Variants in UBR4 observed in about 807,000 individuals in gnomAD.
UBR4 encodes E3 ubiquitin-protein ligase UBR4.
Under a neutral mutation model 575.6 loss-of-function variants are expected in UBR4, and 124 were observed. That is an observed-to-expected ratio of 0.22 (90% CI 0.19 to 0.25). The LOEUF (loss-of-function observed/expected upper bound fraction) is 0.25. UBR4 is among the 10% of genes least tolerant of loss of function. The pLI is 1.00. For missense variants in UBR4, 4,818 were observed against 6,478.8 expected (o/e 0.74, Z 8.80); for synonymous variants, 2,455 against 2,473.7 (o/e 0.99, Z 0.22).
chr1:19,152,192 C>T lies in UBR4; in HGVS notation c.6996+121G>A. 1 of 1,375,086 alleles carries T rather than the reference C, an allele frequency of 7.3e-7. No homozygotes were observed. The highest frequency in any genetic ancestry group is 1.4e-5 in the South Asian group (1 of 72,682). The allele number at this position is 1,375,086 out of a possible 1,614,324, so 85.2% of individuals were successfully genotyped here. A position where few individuals can be genotyped will look rare whatever the true frequency, so the allele number is the denominator to read the frequency against. ...TTTCTAAGGAACCATTTAACTAGAA[C>T]CGAGGGTTGTGACTGTGAGTATATA... On this transcript the variant is annotated intron_variant, in intron 47 of 105. Coordinates refer to ENST00000375254, the MANE Select transcript of UBR4 (RefSeq NM_020765.3). The surrounding 1 kb of genome is among the most constrained non-coding windows in gnomAD (Gnocchi z 4.4).
chr1:19,173,340 T>C (rs1335069901), intron 23 of UBR4, 34 bp from the exon 24 acceptor site: 1 of 1,613,082 alleles, frequency 6.2e-7, no homozygotes, highest in Non-Finnish European at 8.5e-7. Flanking sequence ...GTTTAGGAGA[T>C]GACTATAGGC....
chr1:19,172,747 C>T (rs534233423), intron 25 of UBR4, 117 bp downstream of exon 25: 34 of 986,700 alleles, frequency 3.4e-5, no homozygotes, highest in African/African-American at 2.6e-4. Flanking sequence ...AAGCATTATA[C>T]GTGGGGAAAA....
At chr1:19,147,141 C>T (rs2084983650) in intron 51 of UBR4, 141 bp from the exon 52 acceptor site, 1 of 806,674 alleles carries the variant, frequency 1.2e-6, no homozygotes, top group Admixed American at 3.3e-5. Flanking sequence ...TCACCTACAA[C>T]AGATCTTCAA....
rs111572921 is a variant in UBR4 at position 19,186,407 on chromosome 1, C to T, written c.1750+133G>A. On this transcript the variant is annotated intron_variant, in intron 14 of 105. Coordinates refer to ENST00000375254, the MANE Select transcript of UBR4 (RefSeq NM_020765.3). ...ATGTCATCTTTGAATGCACATAAAA[C>T]CAAGGTCCAGGCTAAGCAGGTGAAA... is the stretch of plus-strand genomic sequence containing the variant. The T allele has an allele frequency of 2.9e-3, 1,793 of 613,954 alleles. 22 individuals carry two copies. The African/African-American group carries it at 0.03, about 10-fold the overall frequency. The allele number at this position is 613,954 out of a possible 1,614,324, so 38.0% of individuals were successfully genotyped here. A position where few individuals can be genotyped will look rare whatever the true frequency, so the allele number is the denominator to read the frequency against.
chr1:19,203,313 C>T (rs1414550077), intron 1 of UBR4, among the ~76,000 whole-genome samples: 1 of 151,854 alleles, frequency 6.6e-6, no homozygotes, highest in Non-Finnish European at 1.5e-5. Flanking sequence ...CCAGCCTGGC[C>T]AATATGGTGA....
Position 19,088,841 on chromosome 1 carries a change from G to A in UBR4, c.14348C>T (p.Ala4783Val). 6.2e-7 allele frequency: 1 copy of A among 1,614,092 alleles called. No individual in the cohort carries two copies. Among genetic ancestry groups the A allele is most frequent in the Non-Finnish European group, 8.5e-7 (1 of 1,179,992 alleles). ...CTCTGCCCGGGTCTCCCTGCGGGCT[G>A]CGTCAATCTTCTTGTTTACGTCAGG... ...EHPDVNKKID[A>V]ARRETRAEKK... The change falls in exon 98 of 106, where the codon GCA becomes GTA. Residue 4783 changes from alanine (A) to valine (V), a missense_variant. By Grantham distance (64) the Ala-to-Val change is moderately conservative. Coordinates refer to ENST00000375254, the MANE Select transcript of UBR4 (RefSeq NM_020765.3). The surrounding 1 kb of genome is among the most constrained non-coding windows in gnomAD (Gnocchi z 4.0).
At chr1:19,095,784 G>T in intron 92 of UBR4, 132 bp from the exon 93 acceptor site, 1 of 749,982 alleles carries the variant, frequency 1.3e-6, no homozygotes. Context: ...GAGGACAGGA[G>T]GGAGAAGCGG....
chr1:19,099,155 T>G (rs1490765080), intron 90 of UBR4, among the ~76,000 whole-genome samples: 1 of 152,148 alleles, frequency 6.6e-6, no homozygotes, highest in African/African-American at 2.4e-5. Context: ...ATTCCCCAAC[T>G]AGTAAAACAG....
intron 90 of UBR4, among the ~76,000 whole-genome samples, chr1:19,098,949 A>T (rs2078334688): frequency 6.6e-6 from 1 of 152,132 alleles, no homozygotes. Flanking sequence ...AGAGAAATGG[A>T]GGGGAAGAAA....
rs1246918989 is a variant in UBR4, at chr1:19,138,002, T to C, written c.8906+5A>G. On this transcript the variant is annotated splice_donor_5th_base_variant and intron_variant, in intron 60 of 105. Transcript: ENST00000375254. The stretch of plus-strand genomic sequence containing the variant: ...CCTCTTAACTGTGAAGGACTAGGTC[T>C]TGACCTGTTGCTAGTGTGGACATCT... 1 of 1,531,864 alleles carries C rather than the reference T, an allele frequency of 6.5e-7. No homozygotes were observed. Among genetic ancestry groups the C allele is most frequent in the East Asian group, 2.3e-5 (1 of 42,716 alleles). The allele number at this position is 1,531,864 out of a possible 1,614,324, so 94.9% of individuals were successfully genotyped here.
At position 19,139,367 on chromosome 1, in the gene UBR4, G is replaced by C; in HGVS notation, c.8594-147C>G. ...GCAGTTTATATATCCTGTCGTCAAAGAAAAAAGGGAGAGATTTGCTTTGCT... is the reference window on the plus strand; with the variant it reads ...GCAGTTTATATATCCTGTCGTCAAACAAAAAAGGGAGAGATTTGCTTTGCT... On this transcript the variant is annotated intron_variant, in intron 58 of 105. Coordinates refer to ENST00000375254, the MANE Select transcript of UBR4 (RefSeq NM_020765.3). The surrounding 1 kb of genome is among the most constrained non-coding windows in gnomAD (Gnocchi z 4.2). 9.0e-7 allele frequency: 1 copy of C among 1,113,558 alleles called. No homozygotes were observed. Among genetic ancestry groups the C allele is most frequent in the Middle Eastern group, 3.3e-4 (1 of 3,056 alleles). The allele number at this position is 1,113,558 out of a possible 1,614,324, so 69.0% of individuals were successfully genotyped here. A position where few individuals can be genotyped will look rare whatever the true frequency, so the allele number is the denominator to read the frequency against.
At chr1:19,195,573 AT>A (rs1275052194) in intron 8 of UBR4, among the ~76,000 whole-genome samples, 1 of 152,162 alleles carries the variant, frequency 6.6e-6, no homozygotes, top group Non-Finnish European at 1.5e-5. Flanking sequence ...TAAACCCCAA[AT>A]TTAAAAATGC....
chr1:19,170,426 AG>A (rs2089337614), intron 26 of UBR4, among the ~76,000 whole-genome samples: 1 of 151,996 alleles, frequency 6.6e-6, no homozygotes, highest in African/African-American at 2.4e-5. Context: ...TGGGGAGGGG[AG>A]GGGAGGAGAG....
chr1:19,163,122 G>A (rs557920035), intron 34 of UBR4, among the ~76,000 whole-genome samples: 1 of 152,218 alleles, frequency 6.6e-6, no homozygotes, highest in Non-Finnish European at 1.5e-5. Context: ...CCAATTAATT[G>A]GCATCAAAGA....
intron 102 of UBR4, among the ~76,000 whole-genome samples, chr1:19,083,657 C>T (rs916278213): frequency 3.3e-5 from 5 of 152,226 alleles, no homozygotes; most frequent in Non-Finnish European, 5.9e-5. Context: ...ACCTCAGTCT[C>T]CCGAATAGCT....
intron 1 of UBR4, among the ~76,000 whole-genome samples, chr1:19,208,138 A>G (rs935542086): frequency 1.3e-5 from 2 of 152,232 alleles, no homozygotes; most frequent in African/African-American, 4.8e-5. Context: ...AGGCTTTCAA[A>G]GCTAACTGAG....
Position 19,152,567 on chromosome 1 carries a change from C to A in UBR4, c.6833-91G>T. The A allele has an allele frequency of 6.5e-7, 1 of 1,531,766 alleles. No homozygotes were observed. Among genetic ancestry groups the A allele is most frequent in the Non-Finnish European group, 8.9e-7 (1 of 1,120,080 alleles). 94.9% of individuals were successfully genotyped at this position (1,531,766 alleles called of 1,614,324 possible). A position where few individuals can be genotyped will look rare whatever the true frequency, so the allele number is the denominator to read the frequency against. ...ACTCCTCCCAGACAGAGCCCACACT[C>A]ACACTCTAATCTAAGCAAACTCTGG... On this transcript the variant is annotated intron_variant, in intron 46 of 105. Transcript: ENST00000375254. The surrounding 1 kb of genome is among the most constrained non-coding windows in gnomAD (Gnocchi z 4.4).
Position 19,162,426 on chromosome 1 carries a change from C to G in UBR4, c.4950G>C (p.Glu1650Asp). 1.2e-6 allele frequency: 2 copies of G among 1,612,552 alleles called. No individual in the cohort carries two copies. The highest frequency in any genetic ancestry group is 1.7e-6 in the Non-Finnish European group (2 of 1,179,452). ...GAGGTTACTTAGTACTTACTGAATC[C>G]TCAGCCTGGGAATCTTCCTCTTCCA... Reference protein sequence around the residue: ...LAVEEEDSQAEDSDEDSLCNK... With the variant: ...LAVEEEDSQADDSDEDSLCNK... The change falls in exon 35 of 106, where the codon GAG becomes GAC. Residue 1650 changes from glutamate to aspartate, a missense_variant. Coordinates refer to ENST00000375254, the MANE Select transcript of UBR4 (RefSeq NM_020765.3).
At chr1:19,104,706 C>G in intron 85 of UBR4, 40 bp from the exon 86 acceptor site, 1 of 1,586,910 alleles carries the variant, frequency 6.3e-7, no homozygotes, top group East Asian at 2.2e-5. Flanking sequence ...GATATCACTG[C>G]CAAGGATACC....
Sources: allele counts gnomAD v4.1 joint callset (sites outside exome capture counted in the v4.1 genomes callset), GRCh38; gene constraint gnomAD v4.1.1; non-coding constraint Gnocchi (gnomAD v3.1); transcripts MANE v1.5; gene names NCBI Gene and HGNC (gene_info 2026-07-23, HGNC 2026-07-21).